The following PIK3IP1 variants were observed in gnomAD, a reference collection of about 807,000 sequenced individuals.
The protein encoded by PIK3IP1 is phosphoinositide-3-kinase interacting protein 1.
PIK3IP1 carries 28 observed loss-of-function variants against 30.7 expected under a neutral mutation model. The observed-to-expected ratio is 0.91, with a 90% CI of 0.68 to 1.25. The LOEUF (loss-of-function observed/expected upper bound fraction) is 1.25. PIK3IP1 is among the 50% of genes most tolerant of loss of function. The probability of loss-of-function intolerance (pLI) is 0.00; values close to 1 mark genes in which losing one functional copy is unlikely to be tolerated. For synonymous variants in PIK3IP1, 159 were observed against 140.8 expected (o/e 1.13, Z -0.91); for missense variants, 333 against 346.2 (o/e 0.96, Z 0.30).
chr22:31,283,563 G>T (rs2049106874), intron 5 of PIK3IP1, among the ~76,000 whole-genome samples: 1 of 151,920 alleles, frequency 6.6e-6, no homozygotes, highest in South Asian at 2.1e-4. Context: ...CTTCACCGGG[G>T]CTCAATGAAA....
chr22:31,291,563 T>C (rs1022492872), intron 1 of PIK3IP1, among the ~76,000 whole-genome samples: 3 of 151,752 alleles, frequency 2.0e-5, no homozygotes, highest in Non-Finnish European at 4.4e-5. Context: ...TAGGTTTTAT[T>C]TATTTTTGAA....
intron 5 of PIK3IP1, among the ~76,000 whole-genome samples, chr22:31,284,254 G>A (rs1034587): frequency 2.6e-5 from 4 of 152,068 alleles, no homozygotes; most frequent in African/African-American, 2.4e-5. Flanking sequence ...TTTAACTTCC[G>A]CGCCTTGCTT....
chr22:31,290,872 G>T (rs894596100), intron 3 of PIK3IP1, 93 bp downstream of exon 3: 9 of 1,430,778 alleles, frequency 6.3e-6, no homozygotes, highest in Non-Finnish European at 8.2e-6. Flanking sequence ...AGCGGGGCCG[G>T]CCGGCATCGC....
intron 5 of PIK3IP1, among the ~76,000 whole-genome samples, chr22:31,284,243 G>GT (rs1480159262): frequency 4.6e-5 from 7 of 152,242 alleles, no homozygotes; most frequent in Non-Finnish European, 1.0e-4. Flanking sequence ...AGGCTTTTGA[G>GT]TTTAACTTCC....
intron 3 of PIK3IP1, 140 bp downstream of exon 3, chr22:31,290,825 G>T: frequency 7.8e-7 from 1 of 1,276,184 alleles, no homozygotes; most frequent in Non-Finnish European, 1.0e-6. Flanking sequence ...CCCGCGGCCT[G>T]GAGACAGCCC....
At chr22:31,288,302 C>T (rs1329847118) in intron 5 of PIK3IP1, among the ~76,000 whole-genome samples, 2 of 151,524 alleles carry the variant, frequency 1.3e-5, no homozygotes, top group Non-Finnish European at 2.9e-5. Flanking sequence ...TACTTGCGCC[C>T]TGGGAGGTTG....
intron 5 of PIK3IP1, among the ~76,000 whole-genome samples, chr22:31,288,758 C>CAAACAG (rs1262725729): frequency 2.0e-5 from 3 of 152,232 alleles, no homozygotes; most frequent in Non-Finnish European, 4.4e-5. Flanking sequence ...TGAAGAGTGG[C>CAAACAG]AAACAGACTT....
intron 5 of PIK3IP1, among the ~76,000 whole-genome samples, chr22:31,285,378 C>A (rs1362455148): frequency 6.6e-6 from 1 of 152,206 alleles, no homozygotes; most frequent in African/African-American, 2.4e-5. Context: ...ATCCTCACAA[C>A]CTATGTGGTA....
At chr22:31,289,816 C>T (rs2049159912) in intron 3 of PIK3IP1, 117 bp from the exon 4 acceptor site, 3 of 1,099,320 alleles carry the variant, frequency 2.7e-6, no homozygotes, top group Admixed American at 2.3e-5. Flanking sequence ...TTTCCCCCCA[C>T]ACACAACCCA....
In PIK3IP1 at chr22:31,282,691, G is replaced by A. The variant is rs1407029408; in HGVS notation, c.*393C>T. 4 of 204,150 alleles carry A rather than the reference G, an allele frequency of 2.0e-5. No individual in the cohort carries two copies. In the Admixed American group the frequency reaches 2.1e-4, roughly 11 times the overall value. The allele number at this position is 204,150 out of a possible 1,614,324, so 12.6% of individuals were successfully genotyped here. A position where few individuals can be genotyped will look rare whatever the true frequency, so the allele number is the denominator to read the frequency against. ...CTTTACCTTAACCATGAATAACAGT[G>A]TATGCCACTCAAGCCCACAGTGGAG... On this transcript the variant is annotated 3_prime_UTR_variant, in exon 6 of 6. Transcript: ENST00000215912.
rs2049100728 is a variant in PIK3IP1 at position 31,282,966 on chromosome 22, A to G, written c.*118T>C. Reference sequence around the variant, plus strand: ...CTGTCACTCTTACTAGGATTCGCCAAAAAAGCGGGGGAGTGGTAGGGTTTT... The same window carrying G: ...CTGTCACTCTTACTAGGATTCGCCAGAAAAGCGGGGGAGTGGTAGGGTTTT... On this transcript the variant is annotated 3_prime_UTR_variant, in exon 6 of 6. Coordinates refer to ENST00000215912, the MANE Select transcript of PIK3IP1 (RefSeq NM_052880.5). 6 of 792,416 alleles carry G rather than the reference A, an allele frequency of 7.6e-6. No individual in the cohort carries two copies. Among genetic ancestry groups the G allele is most frequent in the South Asian group, 5.3e-5 (3 of 56,364 alleles). The allele number at this position is 792,416 out of a possible 1,614,324, so 49.1% of individuals were successfully genotyped here. A position where few individuals can be genotyped will look rare whatever the true frequency, so the allele number is the denominator to read the frequency against.
At position 31,292,403 on chromosome 22, in the gene PIK3IP1, G is replaced by A; in HGVS notation, c.-59C>T. 1 of 1,538,542 alleles carries A rather than the reference G, an allele frequency of 6.5e-7. No individual in the cohort carries two copies. Among genetic ancestry groups the A allele is most frequent in the African/African-American group, 1.4e-5 (1 of 73,476 alleles). Reference sequence around the variant, plus strand: ...ACCAGTGTTTAACCGAGGCCCCCTTGGCGGCGGCTCTGCCTCCCAGTCCCA... The same window carrying A: ...ACCAGTGTTTAACCGAGGCCCCCTTAGCGGCGGCTCTGCCTCCCAGTCCCA... On this transcript the variant is annotated 5_prime_UTR_variant, in exon 1 of 6. Coordinates refer to ENST00000215912, the MANE Select transcript of PIK3IP1 (RefSeq NM_052880.5).
At position 31,291,269 on chromosome 22, in the gene PIK3IP1, T is replaced by G; in HGVS notation, c.98A>C (p.Tyr33Ser). The change falls in exon 2 of 6, where the codon TAC (tyrosine) becomes TCC (serine). Residue 33 changes from tyrosine to serine, a missense_variant. Tyr to Ser is a moderately radical substitution (Grantham distance 144). Around this residue, in one of 3 missense-constraint regions of PIK3IP1, gnomAD observed 111 missense variants for 100.1 expected, o/e 1.11. Coordinates refer to ENST00000215912, the MANE Select transcript of PIK3IP1 (RefSeq NM_052880.5). The stretch of plus-strand genomic sequence containing the variant: ...CGCGGGGGAGGTCTGGTCCTCCCGG[T>G]ACAGGTGGCCGTTGTCCCAGAAACA... ...GGCFWDNGHL[Y>S]REDQTSPAPG... is the part of the protein sequence containing the mutation. 6.4e-7 allele frequency: 1 copy of G among 1,555,596 alleles called. No individual in the cohort carries two copies.
Position 31,292,302 on chromosome 22 carries a change from G to A in PIK3IP1, c.43C>T (p.Leu15Phe), listed in dbSNP as rs146004330. ...CCAGATCCATAGGCTTCTGCTAGGA[G>A]CATGTTGCTGACGAGGAATGCTTGT... ...WVQAFLVSNM[L>F]LAEAYGSGGC... Residue 15 changes from leucine (L) to phenylalanine (F), a missense_variant, in exon 1 of 6, where the codon CTC becomes TTC. By Grantham distance (22) the Leu-to-Phe change is conservative (BLOSUM62 0). Transcript: ENST00000215912. The A allele has an allele frequency of 1.1e-3, 1,804 of 1,614,180 alleles. 23 individuals are homozygous for A. The African/African-American group carries it at 0.021, about 19-fold the overall frequency.
intron 5 of PIK3IP1, among the ~76,000 whole-genome samples, chr22:31,285,422 G>A (rs2049123632): frequency 6.6e-6 from 1 of 152,212 alleles, no homozygotes; most frequent in African/African-American, 2.4e-5. Flanking sequence ...TAGGAAGGCA[G>A]ATGCAGAGAA....
chr22:31,290,720 T>C (rs1172140182), intron 3 of PIK3IP1: 6 of 512,444 alleles, frequency 1.2e-5, no homozygotes, highest in African/African-American at 4.1e-5. Context: ...CGGAGAGACC[T>C]AGCCTCACCC....
At chr22:31,285,541 C>T (rs754694437) in intron 5 of PIK3IP1, among the ~76,000 whole-genome samples, 3 of 152,190 alleles carry the variant, frequency 2.0e-5, no homozygotes, top group Non-Finnish European at 2.9e-5. Context: ...CCATATCTAA[C>T]CCCCTTACAG....
chr22:31,287,369 C>T (rs2049140191), intron 5 of PIK3IP1, among the ~76,000 whole-genome samples: 1 of 124,990 alleles, frequency 8.0e-6, no homozygotes, highest in Non-Finnish European at 1.6e-5. Flanking sequence ...ATGGCTCTGT[C>T]GCCCAGGCTG....
In PIK3IP1 at chr22:31,292,295, G is replaced by C. The variant is rs767119965; in HGVS notation, c.50C>G (p.Ala17Gly). 2.5e-6 allele frequency: 4 copies of C among 1,614,142 alleles called. No individual in the cohort carries two copies. Among genetic ancestry groups the C allele is most frequent in the Non-Finnish European group, 3.4e-6 (4 of 1,179,988 alleles). Residue 17 changes from alanine to glycine, a missense_variant, in exon 1 of 6, where the codon GCA becomes GGA. Coordinates refer to ENST00000215912, the MANE Select transcript of PIK3IP1 (RefSeq NM_052880.5). ...CTCACCTCCAGATCCATAGGCTTCT[G>C]CTAGGAGCATGTTGCTGACGAGGAA... ...QAFLVSNMLL[A>G]EAYGSGGCFW...
Sources: gnomAD v4.1 joint callset for allele counts (sites outside exome capture counted in the v4.1 genomes callset) on GRCh38, gnomAD v4.1.1 for gene constraint, gnomAD v4.1.1 regional missense constraint, MANE v1.5 for transcripts, NCBI Gene and HGNC (gene_info 2026-07-23, HGNC 2026-07-21) for gene names.